TXNRD1: variants seen among roughly 807,000 people sequenced by gnomAD.
TXNRD1 encodes the protein thioredoxin reductase 1, cytoplasmic.
In TXNRD1, 57 loss-of-function variants were observed where a neutral mutation model predicts 80.3. The observed-to-expected ratio is 0.71, with a 90% CI of 0.57 to 0.89. The LOEUF is 0.89. Among genes scored for constraint, TXNRD1 ranks in the 40% least tolerant of loss-of-function variants. The pLI is 0.00. For synonymous variants in TXNRD1, 291 were observed against 285.2 expected, an observed-to-expected ratio of 1.02 and a Z score of -0.20; for missense variants, 730 against 803.0, an observed-to-expected ratio of 0.91 and a Z score of 1.10.
At chr12:104,228,022 G>T (rs996577663) in intron 1 of TXNRD1, among the ~76,000 whole-genome samples, 2 of 152,046 alleles carry the variant, frequency 1.3e-5, no homozygotes, top group African/African-American at 4.8e-5. Flanking sequence ...GATATATAAG[G>T]CTGGGTGCAG....
chr12:104,229,044 G>A (rs1029779973), intron 1 of TXNRD1, among the ~76,000 whole-genome samples: 3 of 151,124 alleles, frequency 2.0e-5, no homozygotes, highest in African/African-American at 7.3e-5. Context: ...ACTCCAAAAA[G>A]AAACCCCATA....
chr12:104,259,371 ACT>A (rs1357802499), intron 3 of TXNRD1, among the ~76,000 whole-genome samples: 1 of 151,258 alleles, frequency 6.6e-6, no homozygotes, highest in African/African-American at 2.4e-5. Flanking sequence ...ACAGAGTGAG[ACT>A]CTGTCTCAGA....
chr12:104,240,887 C>T (rs945231988), intron 1 of TXNRD1, among the ~76,000 whole-genome samples: 5 of 151,496 alleles, frequency 3.3e-5, no homozygotes, highest in East Asian at 1.9e-4. Context: ...GGACTACAGG[C>T]GCCCGCCACC....
intron 6 of TXNRD1, among the ~76,000 whole-genome samples, chr12:104,314,995 G>C (rs7315475): frequency 6.6e-6 from 1 of 151,786 alleles, no homozygotes; most frequent in African/African-American, 2.4e-5. Context: ...CACCCGCCTC[G>C]GCCTCCCAAA....
chr12:104,339,321 A>G (rs1054525014), intron 16 of TXNRD1, 48 bp downstream of exon 16: 3 of 1,610,108 alleles, frequency 1.9e-6, no homozygotes, highest in African/African-American at 1.3e-5. Context: ...AATGTGCCAC[A>G]TAGAAGCACA....
intron 2 of TXNRD1, among the ~76,000 whole-genome samples, chr12:104,255,803 C>A (rs1474275427): frequency 6.6e-6 from 1 of 152,152 alleles, no homozygotes; most frequent in Non-Finnish European, 1.5e-5. Context: ...ACAACAACAA[C>A]AACATATAGT....
chr12:104,315,856 G>A lies in TXNRD1; in HGVS notation c.690G>A (p.Leu230=). The A allele has an allele frequency of 1.2e-6, 2 of 1,612,582 alleles. No individual in the cohort carries two copies. ...MHQAALLGQA[L]QDSRNYGWKV... ...AAGCAGCTTTGTTAGGACAAGCCCT[G>A]CAAGACTCTCGAAATTATGGATGGA... is the stretch of plus-strand genomic sequence containing the variant. Residue 230 remains leucine, a synonymous_variant, in exon 7 of 17, where the codon CTG becomes CTA. Coordinates refer to ENST00000525566, the MANE Select transcript of TXNRD1 (RefSeq NM_001093771.3).
At chr12:104,216,278 G>T (rs1033272263) in intron 1 of TXNRD1, among the ~76,000 whole-genome samples, 6 of 152,222 alleles carry the variant, frequency 3.9e-5, no homozygotes, top group African/African-American at 1.4e-4. Context: ...GAAAGGTTAC[G>T]GGGGAAGCGA....
chr12:104,331,552 C>T lies in TXNRD1; in HGVS notation c.1561C>T (p.Pro521Ser). ...TAAACAGTGTGACTATGAAAATGTT[C>T]CAACCACTGTATTTACTCCTTTGGA... ...STVKCDYENV[P>S]TTVFTPLEYG... Residue 521 changes from proline (P) to serine (S), a missense_variant, in exon 14 of 17, where the codon CCA (proline) becomes TCA (serine). Physicochemically the swap from Pro to Ser is moderately conservative, Grantham distance 74. Transcript: ENST00000525566. The T allele has an allele frequency of 6.2e-7, 1 of 1,608,804 alleles. No individual in the cohort carries two copies. The highest frequency in any genetic ancestry group is 8.5e-7 in the Non-Finnish European group (1 of 1,176,816).
intron 3 of TXNRD1, among the ~76,000 whole-genome samples, chr12:104,276,975 C>G (rs2033769398): frequency 6.6e-6 from 1 of 152,156 alleles, no homozygotes; most frequent in Non-Finnish European, 1.5e-5. Flanking sequence ...GAGCCGGGCA[C>G]AGTGGCTCAT....
chr12:104,283,015 G>C (rs946888704), intron 3 of TXNRD1: 1 of 151,980 alleles, frequency 6.6e-6, no homozygotes, highest in African/African-American at 2.4e-5. Flanking sequence ...TTTTTAAAAT[G>C]GTAAAACAAC....
At position 104,349,465 on chromosome 12, in the gene TXNRD1, TAA is replaced by T. The variant is rs568075705; in HGVS notation, c.*1045_*1046del. On this transcript the variant is annotated 3_prime_UTR_variant, in exon 17 of 17. Coordinates refer to ENST00000525566, the MANE Select transcript of TXNRD1 (RefSeq NM_001093771.3). ...TTTTTAAAGGAAGTTATTAATATCA[TAA>T]GTTATTATTAATATTTTGAACACAG... The T allele has an allele frequency of 3.3e-4, 51 of 152,794 alleles. No homozygotes were observed. The highest frequency in any genetic ancestry group is 1.1e-3 in the African/African-American group (47 of 41,578). The allele number at this position is 152,794 out of a possible 1,614,324, so 9.5% of individuals were successfully genotyped here. A position where few individuals can be genotyped will look rare whatever the true frequency, so the allele number is the denominator to read the frequency against.
chr12:104,314,249 T>C (rs186817394), intron 6 of TXNRD1, among the ~76,000 whole-genome samples: 1 of 152,286 alleles, frequency 6.6e-6, no homozygotes, highest in African/African-American at 2.4e-5. Flanking sequence ...AATCAGAGCA[T>C]ATAAATGAGC....
chr12:104,309,390 G>A (rs1192368481), intron 4 of TXNRD1, among the ~76,000 whole-genome samples: 1 of 152,184 alleles, frequency 6.6e-6, no homozygotes, highest in Non-Finnish European at 1.5e-5. Context: ...CAGAATTTCA[G>A]TAAGGAACGG....
intron 16 of TXNRD1, among the ~76,000 whole-genome samples, chr12:104,347,709 C>T (rs551804483): frequency 5.3e-5 from 8 of 152,052 alleles, no homozygotes; most frequent in African/African-American, 7.2e-5. Context: ...ATTCACTAGT[C>T]GAATAATTGA....
intron 14 of TXNRD1, among the ~76,000 whole-genome samples, chr12:104,332,345 A>G (rs1048896643): frequency 6.6e-6 from 1 of 152,214 alleles, no homozygotes; most frequent in African/African-American, 2.4e-5. Flanking sequence ...AAAAATAAAA[A>G]GCCTATTTTA....
intron 4 of TXNRD1, chr12:104,304,234 TAAAGA>T (rs774379419): frequency 8.1e-6 from 13 of 1,613,880 alleles, no homozygotes; most frequent in African/African-American, 5.3e-5. Flanking sequence ...CTGATTTGGG[TAAAGA>T]AAAGGCAAAG....
At chr12:104,257,000 A>G (rs528177293) in intron 2 of TXNRD1, among the ~76,000 whole-genome samples, 8 of 136,682 alleles carry the variant, frequency 5.9e-5, no homozygotes, top group South Asian at 2.3e-4. Context: ...TTCAAGAATC[A>G]TTTTCCTCAT....
At chr12:104,327,750 GTTTCGCAGATCTTGAA>G (rs2035815147) in intron 13 of TXNRD1, 79 bp downstream of exon 13, 4 of 1,476,388 alleles carry the variant, frequency 2.7e-6, no homozygotes, top group Non-Finnish European at 3.7e-6. Context: ...CAGTTGGGAA[GTTTCGCAGATCTTGAA>G]TAATTTAGTT....
Sources: gnomAD v4.1 joint callset for allele counts (sites outside exome capture counted in the v4.1 genomes callset) on GRCh38, gnomAD v4.1.1 for gene constraint, MANE v1.5 for transcripts, NCBI Gene and HGNC (gene_info 2026-07-23, HGNC 2026-07-21) for gene names.